TRIM44: variants seen among roughly 807,000 people sequenced by gnomAD.
The protein encoded by TRIM44 is tripartite motif-containing protein 44.
Under a neutral mutation model 37.4 loss-of-function variants are expected in TRIM44, and 13 were observed. The ratio of observed to expected loss-of-function variants is 0.35; its 90% CI spans 0.23 to 0.55. The LOEUF (loss-of-function observed/expected upper bound fraction) is 0.55, where lower values mean the gene tolerates loss of function less well. Ranked by LOEUF, TRIM44 falls within the 20% of genes least tolerant of loss-of-function variation. TRIM44 has a pLI of 0.89. For synonymous variants in TRIM44, 175 were observed against 157.2 expected, an observed-to-expected ratio of 1.11 and a Z score of -0.85; for missense variants, 426 against 437.2, an observed-to-expected ratio of 0.97 and a Z score of 0.23.
intron 4 of TRIM44, among the ~76,000 whole-genome samples, chr11:35,789,454 A>G (rs988898492): frequency 4.3e-4 from 64 of 148,602 alleles, no homozygotes; most frequent in Non-Finnish European, 4.5e-5. Flanking sequence ...CATGTGCTAT[A>G]TGTTTTTACA....
chr11:35,685,667 C>A (rs1346552101), intron 2 of TRIM44, among the ~76,000 whole-genome samples: 1 of 151,900 alleles, frequency 6.6e-6, no homozygotes, highest in Non-Finnish European at 1.5e-5. Context: ...AAATACAGAT[C>A]ATCTTTTTTT....
chr11:35,709,020 G>C (rs1002432208), intron 2 of TRIM44, among the ~76,000 whole-genome samples: 1 of 151,312 alleles, frequency 6.6e-6, no homozygotes, highest in Non-Finnish European at 1.5e-5. Context: ...CTGAGAGGAG[G>C]ACCTCTACCC....
At chr11:35,805,635 CAATT>C (rs2133885781) in intron 4 of TRIM44, among the ~76,000 whole-genome samples, 2 of 152,252 alleles carry the variant, frequency 1.3e-5, no homozygotes, top group Non-Finnish European at 2.9e-5. Context: ...TTTTAAAAAC[CAATT>C]ATTTATTGAG....
chr11:35,806,291 C>T (rs1235876816), intron 4 of TRIM44, 67 bp from the exon 5 acceptor site: 2 of 1,561,314 alleles, frequency 1.3e-6, no homozygotes, highest in Admixed American at 1.7e-5. Context: ...GTGCTATCAA[C>T]CAGTAGACTA....
chr11:35,769,903 T>G (rs1281320373), intron 4 of TRIM44, among the ~76,000 whole-genome samples: 4 of 152,132 alleles, frequency 2.6e-5, no homozygotes, highest in African/African-American at 9.6e-5. Flanking sequence ...TTATTTATTT[T>G]TTTTATAATT....
At chr11:35,680,477 C>T (rs1029794071) in intron 1 of TRIM44, among the ~76,000 whole-genome samples, 3 of 151,814 alleles carry the variant, frequency 2.0e-5, no homozygotes, top group African/African-American at 4.8e-5. Flanking sequence ...ATATGTCATG[C>T]ATTGTATCCA....
rs917755654 is a variant in TRIM44 at position 35,809,830 on chromosome 11, T to C, written c.*3445T>C. Reference sequence around the variant, plus strand: ...TGTGTCGGGGGAGTGTGTACCTATATATAAAGGACAAGTGTGATATGTGTG... The same window carrying C: ...TGTGTCGGGGGAGTGTGTACCTATACATAAAGGACAAGTGTGATATGTGTG... On this transcript the variant is annotated 3_prime_UTR_variant, in exon 5 of 5. Coordinates refer to ENST00000299413, the MANE Select transcript of TRIM44 (RefSeq NM_017583.6). 6.6e-6 allele frequency: 1 copy of C among 152,074 alleles called. No individual in the cohort carries two copies. The highest frequency in any genetic ancestry group is 2.4e-5 in the African/African-American group (1 of 41,408). 9.4% of individuals were successfully genotyped at this position (152,074 alleles called of 1,614,324 possible).
intron 2 of TRIM44, among the ~76,000 whole-genome samples, chr11:35,697,713 T>C (rs1851723888): frequency 6.6e-6 from 1 of 151,128 alleles, no homozygotes; most frequent in Non-Finnish European, 1.5e-5. Context: ...GTTTGGTTTT[T>C]TGTCCTTGTG....
At position 35,810,847 on chromosome 11, in the gene TRIM44, C is replaced by A. The variant is rs563045003; in HGVS notation, c.*4462C>A. The A allele has an allele frequency of 6.6e-6, 1 of 152,346 alleles. No individual in the cohort carries two copies. The highest frequency in any genetic ancestry group is 2.1e-4 in the South Asian group (1 of 4,830). The allele number at this position is 152,346 out of a possible 1,614,324, so 9.4% of individuals were successfully genotyped here. A position where few individuals can be genotyped will look rare whatever the true frequency, so the allele number is the denominator to read the frequency against. Reference sequence around the variant, plus strand: ...ATTTTCCTGTGCACAGTCACATTCCCTCCTTAGGAATCTTCCCCTTCCACC... The same window carrying A: ...ATTTTCCTGTGCACAGTCACATTCCATCCTTAGGAATCTTCCCCTTCCACC... On this transcript the variant is annotated 3_prime_UTR_variant, in exon 5 of 5. Coordinates refer to ENST00000299413, the MANE Select transcript of TRIM44 (RefSeq NM_017583.6).
intron 4 of TRIM44, among the ~76,000 whole-genome samples, chr11:35,793,168 G>GAAA (rs549796218): frequency 6.3e-5 from 4 of 63,688 alleles, no homozygotes; most frequent in Admixed American, 1.3e-4. Flanking sequence ...TATAAAAACT[G>GAAA]AAAAAAAAAA....
intron 4 of TRIM44, among the ~76,000 whole-genome samples, chr11:35,782,150 C>T (rs1421395328): frequency 6.6e-6 from 1 of 152,078 alleles, no homozygotes; most frequent in Admixed American, 6.6e-5. Flanking sequence ...ATTACATGTA[C>T]TGATAGAGGG....
chr11:35,791,733 C>T (rs1214557315), intron 4 of TRIM44, among the ~76,000 whole-genome samples: 1 of 152,170 alleles, frequency 6.6e-6, no homozygotes, highest in Non-Finnish European at 1.5e-5. Context: ...CATCTGTCAA[C>T]ACTCAGTGAT....
chr11:35,726,017 G>T lies in TRIM44; in HGVS notation c.841G>T (p.Val281Leu), dbSNP rs181145347. 6.2e-7 allele frequency: 1 copy of T among 1,614,114 alleles called. No individual in the cohort carries two copies. The highest frequency in any genetic ancestry group is 1.3e-5 in the African/African-American group (1 of 75,040). The change falls in exon 3 of 5, where the codon GTG becomes TTG. Residue 281 changes from valine (V) to leucine (L), a missense_variant. Physicochemically the swap from Val to Leu is conservative, Grantham distance 32 (BLOSUM62 1). Transcript: ENST00000299413. Reference protein sequence around the residue: ...ADEEQKALHLVDIQEAMATAH... With the variant: ...ADEEQKALHLLDIQEAMATAH... ...TGAGGAGCAGAAGGCCCTTCATCTAGTGGACATCCAAGAGGCAATGGCCAC... is the reference window on the plus strand; with the variant it reads ...TGAGGAGCAGAAGGCCCTTCATCTATTGGACATCCAAGAGGCAATGGCCAC...
At chr11:35,791,370 T>C (rs919257727) in intron 4 of TRIM44, among the ~76,000 whole-genome samples, 2 of 152,124 alleles carry the variant, frequency 1.3e-5, no homozygotes, top group African/African-American at 4.8e-5. Context: ...ACACAGCCTG[T>C]ATATTTTAAG....
At chr11:35,721,036 T>C (rs1198199163) in intron 2 of TRIM44, among the ~76,000 whole-genome samples, 1 of 151,964 alleles carries the variant, frequency 6.6e-6, no homozygotes, top group Non-Finnish European at 1.5e-5. Context: ...CCTGAGTAGC[T>C]GGGATTATAG....
At chr11:35,802,458 A>G (rs1368752489) in intron 4 of TRIM44, among the ~76,000 whole-genome samples, 1 of 152,208 alleles carries the variant, frequency 6.6e-6, no homozygotes, top group African/African-American at 2.4e-5. Flanking sequence ...GAGTGGCTGA[A>G]ACAAGAACCT....
intron 4 of TRIM44, among the ~76,000 whole-genome samples, chr11:35,762,269 G>A (rs1852740668): frequency 6.6e-6 from 1 of 152,092 alleles, no homozygotes; most frequent in South Asian, 2.1e-4. Flanking sequence ...AATCTTTCTA[G>A]ATGGCATTTT....
intron 4 of TRIM44, among the ~76,000 whole-genome samples, chr11:35,786,310 T>G (rs900571080): frequency 5.9e-5 from 9 of 152,220 alleles, no homozygotes; most frequent in Non-Finnish European, 8.8e-5. Context: ...AGTTACATCA[T>G]CTGCTTATCT....
chr11:35,745,982 G>A (rs1170264311), intron 4 of TRIM44, among the ~76,000 whole-genome samples: 2 of 152,166 alleles, frequency 1.3e-5, no homozygotes, highest in Non-Finnish European at 2.9e-5. Context: ...AGGACCTGCT[G>A]TAGTTTAGTT....
Sources: allele counts gnomAD v4.1 joint callset (sites outside exome capture counted in the v4.1 genomes callset), GRCh38; gene constraint gnomAD v4.1.1; transcripts MANE v1.5; gene names NCBI Gene and HGNC (gene_info 2026-07-23, HGNC 2026-07-21).